The following PBX4 variants were observed in gnomAD, a reference collection of about 807,000 sequenced individuals.
PBX4 encodes the protein pre-B-cell leukemia transcription factor 4.
A neutral mutation model predicts 35.1 loss-of-function variants in PBX4; 26 were observed. The observed-to-expected ratio is 0.74, with a 90% CI of 0.54 to 1.03. PBX4 has a LOEUF of 1.03. Ranked by LOEUF, PBX4 falls within the 50% of genes least tolerant of loss-of-function variation. The pLI is 0.00. For synonymous variants in PBX4, 199 were observed against 204.2 expected (o/e 0.97, Z 0.22); for missense variants, 448 against 504.3 (o/e 0.89, Z 1.07).
chr19:19,568,737 G>C (rs2061361138), intron 5 of PBX4, among the ~76,000 whole-genome samples: 1 of 150,892 alleles, frequency 6.6e-6, no homozygotes, highest in East Asian at 2.0e-4. Context: ...GTATCCCTCA[G>C]GGAGCTCACA....
At chr19:19,566,943 C>T (rs1367912251) in intron 5 of PBX4, among the ~76,000 whole-genome samples, 1 of 152,176 alleles carries the variant, frequency 6.6e-6, no homozygotes, top group Non-Finnish European at 1.5e-5. Flanking sequence ...CTCCTGACCT[C>T]AGGTGATTCG....
At chr19:19,585,160 T>C (rs2061481260) in intron 2 of PBX4, among the ~76,000 whole-genome samples, 2 of 151,996 alleles carry the variant, frequency 1.3e-5, no homozygotes, top group South Asian at 2.1e-4. Context: ...ACCCCATCTC[T>C]ATTAAAAATA....
chr19:19,609,617 G>A (rs143064540), intron 1 of PBX4, among the ~76,000 whole-genome samples: 2,209 of 151,148 alleles, frequency 0.015, 74 homozygotes, highest in South Asian at 0.071. Flanking sequence ...TTGGCAGGCC[G>A]AGGAGGGCAG....
chr19:19,612,814 G>A (rs889334737), intron 1 of PBX4, among the ~76,000 whole-genome samples: 22 of 151,240 alleles, frequency 1.5e-4, no homozygotes, highest in African/African-American at 4.8e-4. Context: ...CATGAATAAC[G>A]CCCCCCACCA....
intron 1 of PBX4, among the ~76,000 whole-genome samples, chr19:19,600,256 G>C (rs1334479059): frequency 3.3e-5 from 5 of 152,192 alleles, no homozygotes; most frequent in South Asian, 4.1e-4. Flanking sequence ...TAAGGCATTA[G>C]TGGCTCATGT....
intron 2 of PBX4, among the ~76,000 whole-genome samples, chr19:19,572,801 C>T (rs139036223): frequency 5.9e-3 from 832 of 140,514 alleles, no homozygotes; most frequent in Admixed American, 6.2e-3. Flanking sequence ...TTGCAGTGAG[C>T]CGAGATCACG....
intron 1 of PBX4, among the ~76,000 whole-genome samples, chr19:19,607,957 G>T (rs976637827): frequency 4.6e-5 from 7 of 152,144 alleles, no homozygotes; most frequent in African/African-American, 1.7e-4. Context: ...GTTCTAGAAG[G>T]ATTATTTTAG....
rs182466930 is a variant in PBX4 at position 19,604,466 on chromosome 19, C to A, written c.120-5101G>T. 2.6e-3 allele frequency among the ~76,000 whole-genome samples: 188 copies of A among 72,060 alleles called. 1 individual carries two copies. The highest frequency in any genetic ancestry group is 9.3e-3 in the South Asian group (13 of 1,400). 47.3% of individuals were successfully genotyped at this position (72,060 alleles called of 152,430 possible). A position where few individuals can be genotyped will look rare whatever the true frequency, so the allele number is the denominator to read the frequency against. ...TGGGCAACAGAGCGAGATTCCATCT[C>A]AAAAAAAAAAAAGGAATACAACTGG... is the stretch of plus-strand genomic sequence containing the variant. On this transcript the variant is annotated intron_variant, in intron 1 of 7. Transcript: ENST00000251203.
intron 2 of PBX4, among the ~76,000 whole-genome samples, chr19:19,571,475 G>A (rs184380529): frequency 2.4e-4 from 37 of 152,352 alleles, no homozygotes; most frequent in African/African-American, 8.4e-4. Context: ...GCAGAGAGGG[G>A]ACCTGGATAG....
At chr19:19,587,301 CAGT>C (rs1428011186) in intron 2 of PBX4, among the ~76,000 whole-genome samples, 1 of 152,068 alleles carries the variant, frequency 6.6e-6, no homozygotes, top group African/African-American at 2.4e-5. Flanking sequence ...AGTGTTAAAA[CAGT>C]AGGCCGGGAG....
At chr19:19,609,873 AAAAC>A (rs1407244015) in intron 1 of PBX4, among the ~76,000 whole-genome samples, 8 of 152,116 alleles carry the variant, frequency 5.3e-5, no homozygotes, top group Admixed American at 1.3e-4. Context: ...GAAAGAAAGA[AAAAC>A]AAACAGTGAA....
At chr19:19,587,992 G>T in intron 2 of PBX4, 1 of 505,746 alleles carries the variant, frequency 2.0e-6, no homozygotes, top group South Asian at 2.1e-5. Context: ...GTGATGCTCT[G>T]GGCTCTGCTC....
chr19:19,595,181 GT>G (rs1261971036), intron 2 of PBX4, among the ~76,000 whole-genome samples: 1 of 152,162 alleles, frequency 6.6e-6, no homozygotes, highest in African/African-American at 2.4e-5. Flanking sequence ...GTGCCTATTG[GT>G]ACACATGCCT....
chr19:19,590,054 A>G (rs2061517146), intron 2 of PBX4, among the ~76,000 whole-genome samples: 7 of 152,162 alleles, frequency 4.6e-5, no homozygotes, highest in Admixed American at 4.6e-4. Context: ...AAGACCCTCA[A>G]TCCTTGAGGT....
chr19:19,599,438 C>A, intron 1 of PBX4, 73 bp from the exon 2 acceptor site: 1 of 1,348,738 alleles, frequency 7.4e-7, no homozygotes, highest in East Asian at 2.3e-5. Flanking sequence ...TAAAGATCTT[C>A]CATACTGAGA....
intron 2 of PBX4, chr19:19,588,143 C>T: frequency 2.6e-6 from 3 of 1,153,176 alleles, no homozygotes; most frequent in South Asian, 2.5e-5. Flanking sequence ...CTTAGAGCTC[C>T]CCAAATAGAC....
At chr19:19,615,319 C>T (rs747780754) in intron 1 of PBX4, among the ~76,000 whole-genome samples, 1 of 151,546 alleles carries the variant, frequency 6.6e-6, no homozygotes, top group Non-Finnish European at 1.5e-5. Context: ...TGCACTCTAG[C>T]CTGGGTGACA....
At chr19:19,566,595 G>A (rs2061343474) in intron 5 of PBX4, among the ~76,000 whole-genome samples, 1 of 151,932 alleles carries the variant, frequency 6.6e-6, no homozygotes, top group African/African-American at 2.4e-5. Context: ...TGCGATCTCA[G>A]CTCACTGCAA....
chr19:19,618,477 C>A, intron 1 of PBX4, 34 bp downstream of exon 1: 2 of 1,412,742 alleles, frequency 1.4e-6, no homozygotes, highest in East Asian at 2.9e-5. Context: ...CTGCCACGAC[C>A]CTGCGTGGCC....
Sources: allele counts gnomAD v4.1 joint callset (sites outside exome capture counted in the v4.1 genomes callset), GRCh38; gene constraint gnomAD v4.1.1; transcripts MANE v1.5; gene names NCBI Gene and HGNC (gene_info 2026-07-23, HGNC 2026-07-21).